DOCK8: variants seen among roughly 807,000 people sequenced by gnomAD.
DOCK8 encodes the protein dedicator of cytokinesis 8.
Under a neutral mutation model 245.6 loss-of-function variants are expected in DOCK8, and 141 were observed. The observed-to-expected ratio is 0.57, with a 90% CI of 0.50 to 0.66. DOCK8 has a LOEUF of 0.66. Ranked by LOEUF, DOCK8 falls within the 30% of genes least tolerant of loss-of-function variation. The pLI is 0.00. For missense variants in DOCK8, 2,965 were observed against 2,603.4 expected, an observed-to-expected ratio of 1.14 and a Z score of -3.02; for synonymous variants, 1,168 against 970.2, an observed-to-expected ratio of 1.20 and a Z score of -3.79.
chr9:381,619 C>G (rs148765197), intron 21 of DOCK8, among the ~76,000 whole-genome samples: 36 of 152,204 alleles, frequency 2.4e-4, no homozygotes, highest in African/African-American at 8.7e-4. Flanking sequence ...TCTGTGCAGC[C>G]TCATTTCTAG....
At chr9:214,200 T>G (rs916873230), upstream of DOCK8, 4 of 376,308 alleles carry the variant, frequency 1.1e-5, no homozygotes, top group Non-Finnish European at 1.9e-5. Flanking sequence ...AGGCCGGGCT[T>G]CTTAGCAGAC....
intron 6 of DOCK8, among the ~76,000 whole-genome samples, chr9:313,639 C>T (rs1157342155): frequency 6.6e-6 from 1 of 152,160 alleles, no homozygotes; most frequent in African/African-American, 2.4e-5. Context: ...GGTCAAAGGC[C>T]ACAAAGTCTC....
At chr9:279,304 G>A (rs2048479644) in intron 2 of DOCK8, among the ~76,000 whole-genome samples, 1 of 152,180 alleles carries the variant, frequency 6.6e-6, no homozygotes, top group African/African-American at 2.4e-5. Context: ...TGATGTTGAG[G>A]TGTAATTGGA....
At chr9:312,259 C>T in intron 6 of DOCK8, 93 bp downstream of exon 6, 2 of 1,445,798 alleles carry the variant, frequency 1.4e-6, no homozygotes, top group South Asian at 1.2e-5. Flanking sequence ...ATATAGCAGC[C>T]CATGGTGTCA....
intron 2 of DOCK8, among the ~76,000 whole-genome samples, chr9:285,174 C>T (rs2048764852): frequency 6.6e-6 from 1 of 152,178 alleles, no homozygotes; most frequent in Non-Finnish European, 1.5e-5. Flanking sequence ...ACTTACGCCA[C>T]TCATGTCTCC....
At position 257,442 on chromosome 9, in the gene DOCK8, A is replaced by G. The variant is rs767602291; in HGVS notation, c.54-14185A>G. 3.3e-5 allele frequency among the ~76,000 whole-genome samples: 5 copies of G among 152,160 alleles called. 1 individual carries two copies. Among genetic ancestry groups the G allele is most frequent in the Admixed American group, 2.6e-4 (4 of 15,268 alleles). On this transcript the variant is annotated intron_variant, in intron 1 of 47. Coordinates refer to ENST00000432829, the MANE Select transcript of DOCK8 (RefSeq NM_203447.4). ...GCTGGAATTTTTCTGCCAGCAATAG[A>G]CCAGTGGTTCCCAAATGTAAGCCTG...
At chr9:402,397 G>A (rs2055153619) in intron 26 of DOCK8, among the ~76,000 whole-genome samples, 2 of 151,718 alleles carry the variant, frequency 1.3e-5, no homozygotes, top group South Asian at 4.1e-4. Context: ...CAGCCTTTGA[G>A]GCATTCATTT....
chr9:326,293 T>C (rs2050765474), intron 8 of DOCK8, among the ~76,000 whole-genome samples: 2 of 152,212 alleles, frequency 1.3e-5, no homozygotes, highest in South Asian at 4.1e-4. Flanking sequence ...TCTGCCCTTC[T>C]TTACCCATAA....
intron 3 of DOCK8, among the ~76,000 whole-genome samples, chr9:286,989 T>C (rs2048850192): frequency 6.6e-6 from 1 of 152,230 alleles, no homozygotes; most frequent in South Asian, 2.1e-4. Context: ...GGTTTCTCCA[T>C]TTGTAAAAAT....
intron 14 of DOCK8, among the ~76,000 whole-genome samples, chr9:360,554 A>C (rs779433290): frequency 2.6e-5 from 4 of 152,220 alleles, no homozygotes; most frequent in Non-Finnish European, 5.9e-5. Flanking sequence ...GGTTAAACTC[A>C]GAAGAGTTGC....
At chr9:260,045 T>G (rs2047879767) in intron 1 of DOCK8, among the ~76,000 whole-genome samples, 1 of 152,224 alleles carries the variant, frequency 6.6e-6, no homozygotes, top group Non-Finnish European at 1.5e-5. Flanking sequence ...AAACTAGATA[T>G]GGGTTGCTAG....
chr9:298,243 G>A (rs906612602), intron 4 of DOCK8, among the ~76,000 whole-genome samples: 2 of 152,056 alleles, frequency 1.3e-5, no homozygotes, highest in Non-Finnish European at 2.9e-5. Context: ...TGGCCAACAC[G>A]GCAAAACCCC....
chr9:323,113 G>A (rs1430097057), intron 7 of DOCK8, among the ~76,000 whole-genome samples: 5 of 142,850 alleles, frequency 3.5e-5, no homozygotes, highest in Admixed American at 6.9e-5. Flanking sequence ...AAAAAAGAAA[G>A]CCCCCAATTA....
intron 14 of DOCK8, among the ~76,000 whole-genome samples, chr9:358,051 A>T (rs1282560697): frequency 6.6e-6 from 1 of 152,164 alleles, no homozygotes; most frequent in African/African-American, 2.4e-5. Flanking sequence ...TTTTTTTCAC[A>T]TTTATGAACC....
intron 2 of DOCK8, among the ~76,000 whole-genome samples, chr9:282,131 G>A (rs144117061): frequency 9.2e-5 from 14 of 152,110 alleles, no homozygotes; most frequent in South Asian, 2.1e-4. Context: ...CATTATTTAC[G>A]TGTGAGAAAG....
intron 26 of DOCK8, among the ~76,000 whole-genome samples, chr9:404,184 C>T (rs911318221): frequency 3.3e-5 from 5 of 151,758 alleles, no homozygotes; most frequent in Non-Finnish European, 5.9e-5. Flanking sequence ...GGAGCTGCCT[C>T]TGAGTCTGGG....
intron 1 of DOCK8, among the ~76,000 whole-genome samples, chr9:255,095 G>T (rs955253424): frequency 6.6e-6 from 1 of 152,002 alleles, no homozygotes; most frequent in African/African-American, 2.4e-5. Flanking sequence ...AATATCAGGA[G>T]GTTTTGTATT....
intron 1 of DOCK8, among the ~76,000 whole-genome samples, chr9:257,768 C>T (rs923991866): frequency 6.6e-6 from 1 of 152,196 alleles, no homozygotes; most frequent in Non-Finnish European, 1.5e-5. Flanking sequence ...CTGCCCACCT[C>T]GGCCTCCTAA....
At chr9:232,459 T>G (rs903158510) in intron 1 of DOCK8, among the ~76,000 whole-genome samples, 4 of 152,216 alleles carry the variant, frequency 2.6e-5, no homozygotes, top group African/African-American at 9.6e-5. Flanking sequence ...TGGAATAATT[T>G]CAGAAGGAAT....
Sources: gnomAD v4.1 joint callset for allele counts (sites outside exome capture counted in the v4.1 genomes callset) on GRCh38, gnomAD v4.1.1 for gene constraint, MANE v1.5 for transcripts, NCBI Gene and HGNC (gene_info 2026-07-23, HGNC 2026-07-21) for gene names.